Variants in GALNT13 observed in about 807,000 individuals in gnomAD.
The protein encoded by GALNT13 is UDP-GalNAc:polypeptide N-acetylgalactosaminyltransferase 13.
GALNT13 carries 28 observed loss-of-function variants against 64.2 expected under a neutral mutation model. That is an observed-to-expected ratio of 0.44 (90% CI 0.32 to 0.60). GALNT13 has a LOEUF of 0.60. Among genes scored for constraint, GALNT13 ranks in the 20% least tolerant of loss-of-function variants. GALNT13 has a pLI of 0.05. For synonymous variants in GALNT13, 214 were observed against 224.6 expected (o/e 0.95, Z 0.42); for missense variants, 577 against 669.8 (o/e 0.86, Z 1.53).
chr2:153,923,651 A>G (rs1335128727), intron 2 of GALNT13, among the ~76,000 whole-genome samples: 1 of 151,724 alleles, frequency 6.6e-6, no homozygotes, highest in Non-Finnish European at 1.5e-5. Context: ...TTAACTTGTC[A>G]TTTACATTAG....
At chr2:154,397,428 G>C (rs1699106506) in intron 10 of GALNT13, among the ~76,000 whole-genome samples, 1 of 152,152 alleles carries the variant, frequency 6.6e-6, no homozygotes, top group South Asian at 2.1e-4. Context: ...GACAGAGTGA[G>C]ACTCCAACGA....
chr2:153,565,231 T>G, the GALNT13 span, among the ~76,000 whole-genome samples: 1 of 151,918 alleles, frequency 6.6e-6, no homozygotes, highest in African/African-American at 2.4e-5. Flanking sequence ...AAAGAGAAAG[T>G]GAAGGTGCGG....
At chr2:154,145,563 T>C (rs1203229796) in intron 4 of GALNT13, among the ~76,000 whole-genome samples, 1 of 152,006 alleles carries the variant, frequency 6.6e-6, no homozygotes, top group East Asian at 1.9e-4. Context: ...TAAATATTTT[T>C]CATCAGGAAA....
At chr2:153,730,196 T>C in the GALNT13 span, among the ~76,000 whole-genome samples, 1 of 152,072 alleles carries the variant, frequency 6.6e-6, no homozygotes, top group Non-Finnish European at 1.5e-5. Context: ...CAAATTATAC[T>C]ACAAGACTAT....
intron 11 of GALNT13, among the ~76,000 whole-genome samples, chr2:154,428,741 CATT>C (rs1000214307): frequency 2.4e-4 from 36 of 150,976 alleles, no homozygotes; most frequent in Middle Eastern, 3.2e-3. Context: ...ACTTTTTCAT[CATT>C]ATTTTATCTG....
At chr2:153,875,837 G>T (rs1415458537) in intron 1 of GALNT13, among the ~76,000 whole-genome samples, 2 of 152,230 alleles carry the variant, frequency 1.3e-5, no homozygotes, top group Non-Finnish European at 2.9e-5. Flanking sequence ...ACTTCATATA[G>T]TTATGACCTT....
chr2:153,903,150 A>G (rs544259485), intron 2 of GALNT13, among the ~76,000 whole-genome samples: 41 of 152,024 alleles, frequency 2.7e-4, no homozygotes, highest in Non-Finnish European at 4.6e-4. Flanking sequence ...GTAATTTATT[A>G]TATTATTCAA....
At chr2:153,317,124 A>T in the GALNT13 span, among the ~76,000 whole-genome samples, 1 of 152,184 alleles carries the variant, frequency 6.6e-6, no homozygotes, top group Non-Finnish European at 1.5e-5. Context: ...AACTCTTGCT[A>T]AGGGAAAATA....
At chr2:153,524,349 G>T in the GALNT13 span, among the ~76,000 whole-genome samples, 3 of 143,056 alleles carry the variant, frequency 2.1e-5, no homozygotes, top group Admixed American at 7.1e-5. Flanking sequence ...GGTGGAGCAA[G>T]ATGGCAGAAT....
intron 9 of GALNT13, among the ~76,000 whole-genome samples, chr2:154,388,941 AAGG>A (rs1402926714): frequency 7.2e-5 from 11 of 152,292 alleles, no homozygotes; most frequent in East Asian, 5.8e-4. Flanking sequence ...TAAAGGTAAA[AAGG>A]AGCTTTATCT....
chr2:153,130,551 A>C, the GALNT13 span, among the ~76,000 whole-genome samples: 4 of 151,704 alleles, frequency 2.6e-5, no homozygotes, highest in African/African-American at 9.7e-5. Context: ...CCCCCTTCTT[A>C]TCCTTTTATC....
the GALNT13 span, among the ~76,000 whole-genome samples, chr2:153,498,154 G>A: frequency 6.6e-6 from 1 of 152,224 alleles, no homozygotes; most frequent in African/African-American, 2.4e-5. Flanking sequence ...TCTAGCGTGT[G>A]TAGGAAACAG....
intron 11 of GALNT13, among the ~76,000 whole-genome samples, chr2:154,409,689 A>G (rs71419006): frequency 0.057 from 8,657 of 151,920 alleles, 270 homozygotes; most frequent in Middle Eastern, 0.12. Flanking sequence ...GGCCACTTTG[A>G]GAGGTAGAAT....
chr2:154,049,593 A>G (rs560788156), intron 3 of GALNT13, among the ~76,000 whole-genome samples: 2 of 150,578 alleles, frequency 1.3e-5, no homozygotes, highest in African/African-American at 2.4e-5. Context: ...AATTCAGGGA[A>G]TACACCACAT....
At chr2:154,165,093 A>G (rs16836152) in intron 4 of GALNT13, among the ~76,000 whole-genome samples, 9,716 of 152,250 alleles carry the variant, frequency 0.064, 435 homozygotes, top group Middle Eastern at 0.13. Flanking sequence ...AACATTTCAA[A>G]GGAGAAAAGC....
chr2:153,774,447 T>C, the GALNT13 span, among the ~76,000 whole-genome samples: 1 of 152,218 alleles, frequency 6.6e-6, no homozygotes, highest in East Asian at 1.9e-4. Flanking sequence ...AGTTGGGTTT[T>C]ATATAAAGAC....
chr2:153,928,302 T>C (rs2105351041), intron 2 of GALNT13, among the ~76,000 whole-genome samples: 1 of 152,282 alleles, frequency 6.6e-6, no homozygotes, highest in Middle Eastern at 3.4e-3. Flanking sequence ...TATTTTGTCA[T>C]GAAGAATTCA....
the GALNT13 span, among the ~76,000 whole-genome samples, chr2:153,403,737 C>T: frequency 1.3e-5 from 2 of 152,168 alleles, no homozygotes; most frequent in Middle Eastern, 3.2e-3. Flanking sequence ...AAGGGAACTC[C>T]CTGACCCCTT....
the GALNT13 span, among the ~76,000 whole-genome samples, chr2:153,567,268 G>A: frequency 2.6e-5 from 4 of 152,158 alleles, no homozygotes; most frequent in Non-Finnish European, 4.4e-5. Context: ...GGTTGAGATG[G>A]TCAAGACGCA....
Sources: allele counts gnomAD v4.1 joint callset (sites outside exome capture counted in the v4.1 genomes callset), GRCh38; gene constraint gnomAD v4.1.1; transcripts MANE v1.5; gene names NCBI Gene and HGNC (gene_info 2026-07-23, HGNC 2026-07-21).